Variants in GRXCR1 observed in about 807,000 individuals in gnomAD.
GRXCR1 encodes the protein glutaredoxin domain-containing cysteine-rich protein 1.
A neutral mutation model predicts 27.3 loss-of-function variants in GRXCR1; 27 were observed. The ratio of observed to expected loss-of-function variants is 0.99; its 90% confidence interval spans 0.73 to 1.37. The LOEUF (loss-of-function observed/expected upper bound fraction) is 1.37, where lower values mean the gene tolerates loss of function less well. Ranked by LOEUF, GRXCR1 falls within the 40% of genes most tolerant of loss-of-function variation. The probability of loss-of-function intolerance (pLI) is 0.00; values close to 1 mark genes in which losing one functional copy is unlikely to be tolerated. For synonymous variants in GRXCR1, 122 were observed against 131.1 expected (o/e 0.93, Z 0.47); for missense variants, 379 against 354.4 (o/e 1.07, Z -0.56).
Position 42,895,821 on chromosome 4 carries a change from A to G in GRXCR1, c.384+2171A>G, listed in dbSNP as rs184601368. ...ATCCCACAGAGAAGCCCCAGGGGCT[A>G]GAAGCAGAAGTTATTATTCAGTTAT... On this transcript the variant is annotated intron_variant, in intron 1 of 3. Coordinates refer to ENST00000399770, the MANE Select transcript of GRXCR1 (RefSeq NM_001080476.3). Among the ~76,000 whole-genome samples, 135 of 152,152 alleles carry G rather than the reference A, an allele frequency of 8.9e-4. 2 individuals are homozygous for G. The highest frequency in any genetic ancestry group is 6.8e-3 in the Middle Eastern group (2 of 294).
chr4:42,992,658 T>C (rs1388206331), intron 2 of GRXCR1, among the ~76,000 whole-genome samples: 1 of 152,082 alleles, frequency 6.6e-6, no homozygotes, highest in Non-Finnish European at 1.5e-5. Context: ...TAGAAAGCCA[T>C]AATGCTTAGT....
At chr4:42,906,220 G>GTATT (rs1746587783) in intron 1 of GRXCR1, among the ~76,000 whole-genome samples, 2 of 152,086 alleles carry the variant, frequency 1.3e-5, no homozygotes, top group African/African-American at 4.8e-5. Context: ...TGTTAGTATA[G>GTATT]TATTTATCTA....
chr4:42,892,980 C>G lies in GRXCR1; in HGVS notation c.-287C>G, dbSNP rs150901901. Among the ~76,000 whole-genome samples, 30 of 152,216 alleles carry G rather than the reference C, an allele frequency of 2.0e-4. No homozygotes were observed. Among genetic ancestry groups the G allele is most frequent in the African/African-American group, 4.8e-4 (20 of 41,546 alleles). ...TTTCAGATTCGCTGCATGCCACTTT[C>G]TTGCACTTGTCCTGTTAAAGAGTCC... On this transcript the variant is annotated 5_prime_UTR_variant, in exon 1 of 4. Transcript: ENST00000399770.
intron 1 of GRXCR1, among the ~76,000 whole-genome samples, chr4:42,899,944 AC>A (rs1252809538): frequency 6.6e-6 from 1 of 152,152 alleles, no homozygotes; most frequent in African/African-American, 2.4e-5. Flanking sequence ...ATGACTTGAA[AC>A]TGCTTAATGA....
intron 3 of GRXCR1, among the ~76,000 whole-genome samples, chr4:43,027,423 C>G (rs1713291708): frequency 6.6e-6 from 1 of 152,168 alleles, no homozygotes; most frequent in Non-Finnish European, 1.5e-5. Flanking sequence ...TATGAAGAAA[C>G]AGTAGACTCT....
chr4:42,968,194 T>C (rs1372350935), intron 2 of GRXCR1, among the ~76,000 whole-genome samples: 1 of 152,114 alleles, frequency 6.6e-6, no homozygotes, highest in African/African-American at 2.4e-5. Flanking sequence ...CCAGCCCTCC[T>C]GTACACAGCT....
chr4:42,943,486 G>T (rs899141244), intron 1 of GRXCR1, among the ~76,000 whole-genome samples: 3 of 151,978 alleles, frequency 2.0e-5, no homozygotes, highest in Admixed American at 6.6e-5. Context: ...CCCAGTTCTA[G>T]AGCTTCTGAA....
intron 1 of GRXCR1, among the ~76,000 whole-genome samples, chr4:42,932,738 C>G (rs1747360016): frequency 6.8e-6 from 1 of 147,704 alleles, no homozygotes. Context: ...AGAGAGTTTA[C>G]AGGTTATTTG....
intron 1 of GRXCR1, among the ~76,000 whole-genome samples, chr4:42,909,485 C>T (rs1746669433): frequency 6.6e-6 from 1 of 152,050 alleles, no homozygotes; most frequent in Non-Finnish European, 1.5e-5. Context: ...AAAACAAACT[C>T]TTCATATTTA....
chr4:42,913,059 C>T (rs1041366821), intron 1 of GRXCR1, among the ~76,000 whole-genome samples: 1 of 152,144 alleles, frequency 6.6e-6, no homozygotes, highest in East Asian at 1.9e-4. Context: ...GAGGACTCTC[C>T]AGCCATGCAG....
chr4:42,942,484 A>G (rs894490887), intron 1 of GRXCR1, among the ~76,000 whole-genome samples: 2 of 152,062 alleles, frequency 1.3e-5, no homozygotes, highest in African/African-American at 2.4e-5. Flanking sequence ...AGTCATAAGA[A>G]TAGGCAAACT....
chr4:42,973,768 G>C (rs1748441028), intron 2 of GRXCR1, among the ~76,000 whole-genome samples: 1 of 152,114 alleles, frequency 6.6e-6, no homozygotes, highest in Admixed American at 6.6e-5. Context: ...GGTTATATTT[G>C]ATGGATAGGT....
At position 43,024,253 on chromosome 4, in the gene GRXCR1, G is replaced by C. The variant is rs551296639; in HGVS notation, c.693+3834G>C. 2.5e-4 allele frequency among the ~76,000 whole-genome samples: 28 copies of C among 112,556 alleles called. 3 individuals carry two copies. Among genetic ancestry groups the C allele is most frequent in the South Asian group, 2.1e-3 (8 of 3,804 alleles). The allele number at this position is 112,556 out of a possible 152,430, so 73.8% of individuals were successfully genotyped here. On this transcript the variant is annotated intron_variant, in intron 3 of 3. Transcript: ENST00000399770. ...AAATTACTTAATCTGATTCTCCCCT[G>C]AGGGCGGGTAACCACTTATTTGTTC...
At chr4:42,906,507 C>G (rs1002198922) in intron 1 of GRXCR1, among the ~76,000 whole-genome samples, 3 of 152,122 alleles carry the variant, frequency 2.0e-5, no homozygotes, top group South Asian at 2.1e-4. Context: ...ACCTCAGGGG[C>G]TCCACAGTTA....
intron 1 of GRXCR1, among the ~76,000 whole-genome samples, chr4:42,929,682 C>T (rs1577909450): frequency 6.6e-6 from 1 of 151,694 alleles, no homozygotes; most frequent in South Asian, 2.1e-4. Flanking sequence ...GCTGCCTGAG[C>T]CTCTCAAAAT....
chr4:42,986,509 T>C (rs1283070348), intron 2 of GRXCR1, among the ~76,000 whole-genome samples: 1 of 152,186 alleles, frequency 6.6e-6, no homozygotes, highest in Admixed American at 6.5e-5. Context: ...TTAATCTCTG[T>C]GGTGCCCTGG....
At chr4:42,906,179 G>A (rs192880642) in intron 1 of GRXCR1, among the ~76,000 whole-genome samples, 2 of 152,194 alleles carry the variant, frequency 1.3e-5, no homozygotes, top group Admixed American at 6.5e-5. Context: ...AATAGGGCTG[G>A]TGAACAGTTT....
intron 2 of GRXCR1, among the ~76,000 whole-genome samples, chr4:42,982,594 T>C (rs1748702253): frequency 1.6e-5 from 2 of 125,666 alleles, no homozygotes; most frequent in Non-Finnish European, 3.4e-5. Context: ...CTGGGTCAAA[T>C]GGTATTTCCA....
At chr4:42,996,134 AAT>A (rs1712148496) in intron 2 of GRXCR1, among the ~76,000 whole-genome samples, 1 of 152,196 alleles carries the variant, frequency 6.6e-6, no homozygotes, top group South Asian at 2.1e-4. Context: ...TTAAAGATGA[AAT>A]TTAGAGGTCA....
Sources: allele counts gnomAD v4.1 joint callset (sites outside exome capture counted in the v4.1 genomes callset), GRCh38; gene constraint gnomAD v4.1.1; transcripts MANE v1.5; gene names NCBI Gene and HGNC (gene_info 2026-07-23, HGNC 2026-07-21).